The following AFG3L2 variants were observed in gnomAD, a reference collection of about 807,000 sequenced individuals.
AFG3L2 encodes mitochondrial inner membrane m-AAA protease component AFG3L2.
A neutral mutation model predicts 94.5 loss-of-function variants in AFG3L2; 54 were observed. The ratio of observed to expected loss-of-function variants is 0.57; its 90% CI spans 0.46 to 0.72. The LOEUF (loss-of-function observed/expected upper bound fraction) is 0.72, where lower values mean the gene tolerates loss of function less well. Ranked by LOEUF, AFG3L2 falls within the 30% of genes least tolerant of loss-of-function variation. AFG3L2 has a pLI of 0.00. For missense variants in AFG3L2, 754 were observed against 994.9 expected, an observed-to-expected ratio of 0.76 and a Z score of 3.26; for synonymous variants, 377 against 365.5, an observed-to-expected ratio of 1.03 and a Z score of -0.36.
chr18:12,351,541 TG>T, intron 10 of AFG3L2, 128 bp from the exon 11 acceptor site: 1 of 833,384 alleles, frequency 1.2e-6, no homozygotes, highest in Non-Finnish European at 2.0e-6. Flanking sequence ...CATTATCTAG[TG>T]TTTTTTGTTT....
chr18:12,340,428 A>C, intron 14 of AFG3L2, 27 bp from the exon 15 acceptor site: 1 of 1,537,436 alleles, frequency 6.5e-7, no homozygotes, highest in East Asian at 2.2e-5. Context: ...AGTGTTGAAG[A>C]TCCTACTACA....
rs1240845231 is a variant in AFG3L2 at position 12,332,951 on chromosome 18, T to TAA, written c.2176-3169_2176-3168insTT. Among the ~76,000 whole-genome samples, 137 of 110,954 alleles carry TAA rather than the reference T, an allele frequency of 1.2e-3. 1 individual carries two copies. The highest frequency in any genetic ancestry group is 3.9e-3 in the African/African-American group (120 of 30,398). The allele number at this position is 110,954 out of a possible 152,430, so 72.8% of individuals were successfully genotyped here. A position where few individuals can be genotyped will look rare whatever the true frequency, so the allele number is the denominator to read the frequency against. ...CATATACTATATAACATATAATATA[T>TAA]TATATACTATAATATATTATATATT... On this transcript the variant is annotated intron_variant, in intron 16 of 16. Transcript: ENST00000269143.
intron 6 of AFG3L2, among the ~76,000 whole-genome samples, chr18:12,362,953 A>C (rs9956171): frequency 0.21 from 31,683 of 152,190 alleles, 3,632 homozygotes; most frequent in East Asian, 0.38. Context: ...CTGAGGATAA[A>C]GCACGGTTAT....
chr18:12,369,376 C>T (rs1045795922), intron 3 of AFG3L2, among the ~76,000 whole-genome samples: 2 of 152,144 alleles, frequency 1.3e-5, no homozygotes, highest in East Asian at 3.9e-4. Flanking sequence ...GGCTCTTACT[C>T]CTTTGCATTC....
chr18:12,352,872 T>C (rs1908362015), intron 10 of AFG3L2, 133 bp downstream of exon 10: 2 of 1,288,020 alleles, frequency 1.6e-6, no homozygotes, highest in Non-Finnish European at 2.2e-6. Context: ...GGAGGATCGC[T>C]TGAACCCAGG....
chr18:12,329,942 G>A (rs1285312708), intron 16 of AFG3L2, 159 bp from the exon 17 acceptor site: 21 of 669,622 alleles, frequency 3.1e-5, no homozygotes, highest in Non-Finnish European at 4.6e-5. Flanking sequence ...AGTAAGATGT[G>A]CAAAATATCA....
At chr18:12,366,314 TACAA>T (rs1255036238) in intron 5 of AFG3L2, among the ~76,000 whole-genome samples, 1 of 152,254 alleles carries the variant, frequency 6.6e-6, no homozygotes. Context: ...CCATGTGTCT[TACAA>T]TCAATAGCAT....
At chr18:12,373,795 A>G (rs1909062058) in intron 1 of AFG3L2, among the ~76,000 whole-genome samples, 1 of 152,050 alleles carries the variant, frequency 6.6e-6, no homozygotes, top group Non-Finnish European at 1.5e-5. Context: ...CTTTATAACA[A>G]CCTAAGGTCT....
Position 12,344,763 on chromosome 18 carries a change from G to A in AFG3L2, c.1664-516C>T, listed in dbSNP as rs150525268. ...AGGTCAGAATAAAAGCAAAAGGTCA[G>A]GTTCAAAATACAACTACAGCAAAAA... On this transcript the variant is annotated intron_variant, in intron 13 of 16. Transcript: ENST00000269143. Among the ~76,000 whole-genome samples, 146 of 152,062 alleles carry A rather than the reference G, an allele frequency of 9.6e-4. 1 individual carries two copies. Among genetic ancestry groups the A allele is most frequent in the African/African-American group, 3.4e-3 (142 of 41,496 alleles).
At chr18:12,347,796 G>A (rs1414315620) in intron 13 of AFG3L2, among the ~76,000 whole-genome samples, 2 of 152,056 alleles carry the variant, frequency 1.3e-5, no homozygotes, top group Non-Finnish European at 2.9e-5. Context: ...TGATCTGCCT[G>A]CCTCGGCCTC....
intron 1 of AFG3L2, 111 bp downstream of exon 1, chr18:12,376,858 G>C (rs998844632): frequency 2.5e-4 from 208 of 834,232 alleles, no homozygotes; most frequent in South Asian, 6.7e-4. Context: ...CGGCAGGGAC[G>C]GCCCGCGTGC....
At chr18:12,337,105 T>TC in intron 16 of AFG3L2, 1 of 610,046 alleles carries the variant, frequency 1.6e-6, no homozygotes, top group South Asian at 2.0e-5. Flanking sequence ...ACTTCATTAA[T>TC]CATTCAGTCA....
intron 14 of AFG3L2, 198 bp downstream of exon 14, chr18:12,343,934 T>G (rs1172559464): frequency 1.6e-6 from 1 of 613,932 alleles, no homozygotes; most frequent in African/African-American, 1.8e-5. Context: ...CTGTGGTCCC[T>G]TTAAATAATT....
At position 12,370,973 on chromosome 18, in the gene AFG3L2, C is replaced by T. The variant is rs1229182800; in HGVS notation, c.215-47G>A. 1.1e-5 allele frequency: 14 copies of T among 1,220,578 alleles called. No homozygotes were observed. The Admixed American group carries it at 2.9e-4, about 25-fold the overall frequency. The allele number at this position is 1,220,578 out of a possible 1,614,324, so 75.6% of individuals were successfully genotyped here. A position where few individuals can be genotyped will look rare whatever the true frequency, so the allele number is the denominator to read the frequency against. On this transcript the variant is annotated intron_variant, in intron 2 of 16. Coordinates refer to ENST00000269143, the MANE Select transcript of AFG3L2 (RefSeq NM_006796.3). Reference sequence around the variant, plus strand: ...TACTTATCTTCAAACTAAAATTCATCAGGTTTGTGTTCATTTTGTTTTCAA... The same window carrying T: ...TACTTATCTTCAAACTAAAATTCATTAGGTTTGTGTTCATTTTGTTTTCAA...
At chr18:12,371,156 T>C (rs1908976242) in intron 2 of AFG3L2, among the ~76,000 whole-genome samples, 1 of 151,778 alleles carries the variant, frequency 6.6e-6, no homozygotes, top group South Asian at 2.1e-4. Context: ...CTACTAAAAG[T>C]ACAAAAAATT....
chr18:12,376,909 C>T, intron 1 of AFG3L2, 60 bp downstream of exon 1: 1 of 1,287,332 alleles, frequency 7.8e-7, no homozygotes, highest in Non-Finnish European at 1.0e-6. Flanking sequence ...GTCCGCTCTC[C>T]CGAGCCGGAA....
intron 16 of AFG3L2, 140 bp downstream of exon 16, chr18:12,337,201 A>G (rs1443325062): frequency 5.1e-6 from 4 of 782,012 alleles, no homozygotes; most frequent in Non-Finnish European, 8.9e-6. Flanking sequence ...GCAGACAACG[A>G]AACATCAGAA....
chr18:12,350,885 C>T (rs184000306), intron 12 of AFG3L2, among the ~76,000 whole-genome samples, 200 bp downstream of exon 12: 2 of 152,176 alleles, frequency 1.3e-5, no homozygotes, highest in Non-Finnish European at 2.9e-5. Context: ...AAGGTTGAGG[C>T]TACAGTGAGC....
chr18:12,348,467 T>A, intron 12 of AFG3L2, 84 bp from the exon 13 acceptor site: 1 of 1,036,062 alleles, frequency 9.7e-7, no homozygotes, highest in South Asian at 1.3e-5. Context: ...AAATCCATAG[T>A]TAATTTTTAA....
Sources: allele counts gnomAD v4.1 joint callset (sites outside exome capture counted in the v4.1 genomes callset), GRCh38; gene constraint gnomAD v4.1.1; transcripts MANE v1.5; gene names NCBI Gene and HGNC (gene_info 2026-07-23, HGNC 2026-07-21).